Variants in TSPAN9 observed in about 807,000 individuals in gnomAD.
TSPAN9 encodes tetraspanin 9.
Under a neutral mutation model 31.0 loss-of-function variants are expected in TSPAN9, and 16 were observed. The ratio of observed to expected loss-of-function variants is 0.52; its 90% CI spans 0.35 to 0.78. TSPAN9 has a LOEUF of 0.78. Among genes scored for constraint, TSPAN9 ranks in the 30% least tolerant of loss-of-function variants. The probability of loss-of-function intolerance (pLI) is 0.01; values close to 1 mark genes in which losing one functional copy is unlikely to be tolerated. For missense variants in TSPAN9, 272 were observed against 312.5 expected (o/e 0.87, Z 0.98); for synonymous variants, 145 against 121.6 (o/e 1.19, Z -1.27).
chr12:3,265,689 C>T (rs750487582), intron 3 of TSPAN9, among the ~76,000 whole-genome samples: 12 of 152,124 alleles, frequency 7.9e-5, no homozygotes, highest in Non-Finnish European at 1.5e-4. Flanking sequence ...TGTCTGGGTC[C>T]CTCCACTTCT....
intron 2 of TSPAN9, among the ~76,000 whole-genome samples, chr12:3,193,624 T>G (rs963379932): frequency 1.3e-5 from 2 of 151,966 alleles, no homozygotes; most frequent in African/African-American, 4.8e-5. Flanking sequence ...CTTTGAGAGG[T>G]GACACGCAAC....
intron 3 of TSPAN9, among the ~76,000 whole-genome samples, chr12:3,236,606 G>A (rs2098393871): frequency 6.6e-6 from 1 of 152,186 alleles, no homozygotes; most frequent in African/African-American, 2.4e-5. Context: ...CCCAGCCCGT[G>A]GAATTTGCTG....
At chr12:3,113,769 A>G (rs10848804) in intron 2 of TSPAN9, among the ~76,000 whole-genome samples, 47,904 of 152,054 alleles carry the variant, frequency 0.32, 7,813 homozygotes, top group Middle Eastern at 0.45. Flanking sequence ...CTGCAGCCTC[A>G]GTGTCCTTTT....
intron 3 of TSPAN9, among the ~76,000 whole-genome samples, chr12:3,260,000 A>G (rs1862418205): frequency 6.6e-6 from 1 of 152,220 alleles, no homozygotes; most frequent in Non-Finnish European, 1.5e-5. Flanking sequence ...GATGGATGAA[A>G]GAGTCACTTG....
intron 3 of TSPAN9, among the ~76,000 whole-genome samples, chr12:3,244,110 C>T (rs1232579008): frequency 2.0e-5 from 3 of 152,176 alleles, no homozygotes; most frequent in African/African-American, 7.2e-5. Context: ...ACAGTGGACT[C>T]CAGGGTGATG....
intron 2 of TSPAN9, among the ~76,000 whole-genome samples, chr12:3,132,727 C>A (rs1028749156): frequency 1.3e-5 from 2 of 152,212 alleles, no homozygotes; most frequent in Non-Finnish European, 2.9e-5. Flanking sequence ...AGATATTTGA[C>A]TTTTTCCTAT....
In TSPAN9 at chr12:3,143,110, T is replaced by C. The variant is rs1201495866; in HGVS notation, c.-17-58067T>C. On this transcript the variant is annotated intron_variant, in intron 2 of 8. Coordinates refer to ENST00000011898, the MANE Select transcript of TSPAN9 (RefSeq NM_006675.5). The surrounding 1 kb of genome is among the most constrained non-coding windows in gnomAD (Gnocchi z 4.2). ...CCACTGTGGCATGGTGACGTGTCCT[T>C]CTAGGTGTGTGGCATCAAGGGGAAT... Among the ~76,000 whole-genome samples the C allele has an allele frequency of 6.6e-6, 1 of 152,080 alleles. No individual in the cohort carries two copies. Among genetic ancestry groups the C allele is most frequent in the Non-Finnish European group, 1.5e-5 (1 of 68,004 alleles).
At chr12:3,272,241 A>C (rs1465875020) in intron 3 of TSPAN9, among the ~76,000 whole-genome samples, 1 of 152,116 alleles carries the variant, frequency 6.6e-6, no homozygotes, top group Admixed American at 6.6e-5. Flanking sequence ...GGTGGGAGCA[A>C]CCTGAGGGCA....
At chr12:3,215,724 G>A (rs1463046238) in intron 3 of TSPAN9, among the ~76,000 whole-genome samples, 5 of 152,178 alleles carry the variant, frequency 3.3e-5, no homozygotes, top group African/African-American at 1.2e-4. Flanking sequence ...GGGGTGGGAG[G>A]GGCCCCTCAT....
intron 2 of TSPAN9, among the ~76,000 whole-genome samples, chr12:3,158,595 G>A (rs2098343473): frequency 6.6e-6 from 1 of 152,034 alleles, no homozygotes; most frequent in South Asian, 2.1e-4. Context: ...GGTGGCGCAC[G>A]CCTGTAGTCC....
At chr12:3,113,631 A>G (rs1441865800) in intron 2 of TSPAN9, among the ~76,000 whole-genome samples, 1 of 152,064 alleles carries the variant, frequency 6.6e-6, no homozygotes, top group Non-Finnish European at 1.5e-5. Flanking sequence ...GGTGTATCCG[A>G]TGGTTCTCAG....
chr12:3,092,388 G>A (rs1272028654), intron 2 of TSPAN9, among the ~76,000 whole-genome samples: 3 of 152,198 alleles, frequency 2.0e-5, no homozygotes, highest in African/African-American at 7.2e-5. Flanking sequence ...TGTGATAAGA[G>A]AGCTTTAGCC....
intron 2 of TSPAN9, among the ~76,000 whole-genome samples, chr12:3,159,823 G>T (rs1202515391): frequency 6.6e-6 from 1 of 152,184 alleles, no homozygotes; most frequent in Non-Finnish European, 1.5e-5. Flanking sequence ...GAAAATGGAA[G>T]AAACCAATCC....
chr12:3,078,486 A>G (rs1167559533), intron 1 of TSPAN9, among the ~76,000 whole-genome samples: 2 of 152,208 alleles, frequency 1.3e-5, no homozygotes, highest in African/African-American at 2.4e-5. Context: ...ATGCTTTGCT[A>G]TAGAGATACG....
chr12:3,236,158 AACCCCCTGCTCTGCCTCCT>A lies in TSPAN9; in HGVS notation c.63+34903_63+34921del, dbSNP rs561683492. ...CCTGAAGTCAGAAGGCCTTGGTTTGAACCCCCTGCTCTGCCTCCTGAGCAGCAGCTCTGTGACTCTGAGC... is the reference window on the plus strand; with the variant it reads ...CCTGAAGTCAGAAGGCCTTGGTTTGAGAGCAGCAGCTCTGTGACTCTGAGC... On this transcript the variant is annotated intron_variant, in intron 3 of 8. Coordinates refer to ENST00000011898, the MANE Select transcript of TSPAN9 (RefSeq NM_006675.5). Among the ~76,000 whole-genome samples, 844 of 152,294 alleles carry A rather than the reference AACCCCCTGCTCTGCCTCCT, an allele frequency of 5.5e-3. 9 individuals are homozygous for A. The highest frequency in any genetic ancestry group is 0.019 in the African/African-American group (786 of 41,558).
At chr12:3,212,111 A>G (rs545656342) in intron 3 of TSPAN9, among the ~76,000 whole-genome samples, 2 of 152,256 alleles carry the variant, frequency 1.3e-5, no homozygotes, top group Non-Finnish European at 2.9e-5. Flanking sequence ...AGCTGGGATT[A>G]CAGGTGTGTG....
At chr12:3,160,114 G>C (rs192462366) in intron 2 of TSPAN9, among the ~76,000 whole-genome samples, 43 of 152,162 alleles carry the variant, frequency 2.8e-4, no homozygotes, top group South Asian at 1.0e-3. Flanking sequence ...CCCAGCCCTG[G>C]GCAACCACTA....
At position 3,265,030 on chromosome 12, in the gene TSPAN9, A is replaced by G. The variant is rs911610425; in HGVS notation, c.64-13391A>G. ...CTCTCCAGCCTGGTGGTGTTGGTCCAGCTGGCCCGGCTATTCCCAGGGTAG... is the reference window on the plus strand; with the variant it reads ...CTCTCCAGCCTGGTGGTGTTGGTCCGGCTGGCCCGGCTATTCCCAGGGTAG... On this transcript the variant is annotated intron_variant, in intron 3 of 8. Transcript: ENST00000011898. Among the ~76,000 whole-genome samples the G allele has an allele frequency of 7.9e-5, 12 of 152,288 alleles. No individual in the cohort carries two copies. The South Asian group carries it at 1.0e-3, about 13-fold the overall frequency.
At chr12:3,210,133 C>CAAA (rs61255920) in intron 3 of TSPAN9, among the ~76,000 whole-genome samples, 4 of 141,232 alleles carry the variant, frequency 2.8e-5, no homozygotes, top group Non-Finnish European at 4.5e-5. Flanking sequence ...GACTCCGTCT[C>CAAA]AAAAAAAAAA....
Sources: allele counts gnomAD v4.1 joint callset (sites outside exome capture counted in the v4.1 genomes callset), GRCh38; gene constraint gnomAD v4.1.1; non-coding constraint Gnocchi (gnomAD v3.1); transcripts MANE v1.5; gene names NCBI Gene and HGNC (gene_info 2026-07-23, HGNC 2026-07-21).